The following MNAT1 variants were observed in gnomAD, a reference collection of about 807,000 sequenced individuals.
MNAT1 encodes the protein CDK-activating kinase assembly factor MAT1.
In MNAT1, 43 loss-of-function variants were observed where a neutral mutation model predicts 42.0. The ratio of observed to expected loss-of-function variants is 1.02; its 90% CI spans 0.80 to 1.32. The LOEUF (loss-of-function observed/expected upper bound fraction) is 1.32, where lower values mean the gene tolerates loss of function less well. Ranked by LOEUF, MNAT1 falls within the 40% of genes most tolerant of loss-of-function variation. The pLI is 0.00. For missense variants in MNAT1, 306 were observed against 350.4 expected (o/e 0.87, Z 1.01); for synonymous variants, 118 against 120.0 (o/e 0.98, Z 0.11).
intron 1 of MNAT1, among the ~76,000 whole-genome samples, chr14:60,750,654 T>A (rs1241152114): frequency 2.0e-5 from 3 of 151,378 alleles, no homozygotes; most frequent in African/African-American, 7.3e-5. Context: ...TTTAAAAAAA[T>A]TACTATTTGC....
intron 6 of MNAT1, among the ~76,000 whole-genome samples, chr14:60,857,078 A>G (rs1032143316): frequency 6.6e-6 from 1 of 152,230 alleles, no homozygotes; most frequent in African/African-American, 2.4e-5. Flanking sequence ...GTGACAGCGT[A>G]TCTGCTTACA....
At chr14:60,824,821 G>A (rs4151234) in intron 6 of MNAT1, among the ~76,000 whole-genome samples, 22 of 152,012 alleles carry the variant, frequency 1.4e-4, no homozygotes, top group Admixed American at 7.2e-4. Context: ...GTTATTTTTC[G>A]TAGTTAGATA....
intron 1 of MNAT1, among the ~76,000 whole-genome samples, chr14:60,768,435 G>A (rs1191692423): frequency 2.0e-5 from 3 of 152,154 alleles, no homozygotes; most frequent in Non-Finnish European, 4.4e-5. Context: ...TAAATGATAT[G>A]TTCTACAGAA....
intron 7 of MNAT1, among the ~76,000 whole-genome samples, chr14:60,957,687 A>G (rs944982065): frequency 1.4e-4 from 21 of 152,196 alleles, no homozygotes; most frequent in African/African-American, 4.3e-4. Flanking sequence ...TATATCCATT[A>G]ACAAATTTTT....
intron 1 of MNAT1, among the ~76,000 whole-genome samples, chr14:60,789,161 ATTG>A (rs1215533247): frequency 1.3e-5 from 2 of 152,046 alleles, no homozygotes; most frequent in Admixed American, 6.6e-5. Context: ...TAATTTAAAT[ATTG>A]TTGTGTCTCA....
At chr14:60,894,979 G>GT (rs954021331) in intron 7 of MNAT1, among the ~76,000 whole-genome samples, 34 of 151,840 alleles carry the variant, frequency 2.2e-4, no homozygotes, top group African/African-American at 3.9e-4. Context: ...TAAATAATTT[G>GT]TTTTTTTTGG....
chr14:60,786,374 A>T (rs1373485853), intron 1 of MNAT1, among the ~76,000 whole-genome samples: 1 of 152,086 alleles, frequency 6.6e-6, no homozygotes, highest in East Asian at 1.9e-4. Context: ...TTAAATTATG[A>T]TTGCATTCCT....
intron 7 of MNAT1, among the ~76,000 whole-genome samples, chr14:60,899,251 G>A (rs1459385062): frequency 1.3e-5 from 2 of 152,074 alleles, no homozygotes; most frequent in Non-Finnish European, 2.9e-5. Flanking sequence ...GACATAACTG[G>A]CATAAGTTCT....
intron 7 of MNAT1, among the ~76,000 whole-genome samples, chr14:60,952,639 C>CT (rs2036405017): frequency 6.6e-6 from 1 of 151,992 alleles, no homozygotes; most frequent in South Asian, 2.1e-4. Flanking sequence ...ACAGACAGAG[C>CT]GTTAGGTTTG....
chr14:60,831,291 C>G (rs2033207865), intron 6 of MNAT1, among the ~76,000 whole-genome samples: 1 of 152,162 alleles, frequency 6.6e-6, no homozygotes, highest in Non-Finnish European at 1.5e-5. Context: ...AACCCATCAT[C>G]TACATTAGGT....
intron 1 of MNAT1, among the ~76,000 whole-genome samples, chr14:60,736,447 AT>A (rs1246525669): frequency 6.6e-6 from 1 of 152,166 alleles, no homozygotes; most frequent in African/African-American, 2.4e-5. Context: ...TAAAATATTT[AT>A]TTTAATTGAA....
chr14:60,819,762 C>G (rs2032825053), intron 6 of MNAT1, among the ~76,000 whole-genome samples: 1 of 152,092 alleles, frequency 6.6e-6, no homozygotes, highest in South Asian at 2.1e-4. Context: ...CTCAACAACC[C>G]ATTTATCCAG....
chr14:60,905,443 T>C (rs1428140189), intron 7 of MNAT1, among the ~76,000 whole-genome samples: 2 of 152,152 alleles, frequency 1.3e-5, no homozygotes, highest in African/African-American at 4.8e-5. Context: ...ATAGGACATT[T>C]AGAGATACAT....
intron 6 of MNAT1, among the ~76,000 whole-genome samples, chr14:60,876,304 T>A (rs188888963): frequency 2.2e-4 from 34 of 152,212 alleles, no homozygotes; most frequent in African/African-American, 8.2e-4. Flanking sequence ...GGGGTTAAAA[T>A]ACTATGAATG....
intron 7 of MNAT1, among the ~76,000 whole-genome samples, chr14:60,918,628 A>G (rs1165937384): frequency 6.6e-6 from 1 of 151,820 alleles, no homozygotes; most frequent in Admixed American, 6.6e-5. Context: ...ATCATAAAAG[A>G]TGAAAGGATG....
intron 1 of MNAT1, among the ~76,000 whole-genome samples, chr14:60,750,496 C>G (rs1330918158): frequency 7.1e-6 from 1 of 141,106 alleles, no homozygotes; most frequent in East Asian, 2.1e-4. Flanking sequence ...TCCCAAAGTG[C>G]TGGGATTACA....
chr14:60,774,722 G>T (rs1457571906), intron 1 of MNAT1, among the ~76,000 whole-genome samples: 2 of 152,204 alleles, frequency 1.3e-5, no homozygotes, highest in African/African-American at 4.8e-5. Context: ...AGAGTCATCA[G>T]TCTTGGTATT....
At chr14:60,878,654 G>T (rs1044412410) in intron 6 of MNAT1, among the ~76,000 whole-genome samples, 3 of 152,066 alleles carry the variant, frequency 2.0e-5, no homozygotes, top group Non-Finnish European at 4.4e-5. Flanking sequence ...TGAGTATTTT[G>T]AATTGTGAAT....
intron 6 of MNAT1, among the ~76,000 whole-genome samples, chr14:60,870,765 G>A (rs2034309003): frequency 1.3e-5 from 2 of 151,994 alleles, no homozygotes; most frequent in Non-Finnish European, 2.9e-5. Flanking sequence ...CTTACCATAA[G>A]AATTACTTAT....
Sources: gnomAD v4.1 joint callset for allele counts (sites outside exome capture counted in the v4.1 genomes callset) on GRCh38, gnomAD v4.1.1 for gene constraint, MANE v1.5 for transcripts, NCBI Gene and HGNC (gene_info 2026-07-23, HGNC 2026-07-21) for gene names.